The following ANKFN1 variants were observed in gnomAD, a reference collection of about 807,000 sequenced individuals.
The protein encoded by ANKFN1 is ankyrin repeat and fibronectin type III domain containing 1, also known as ankyrin repeat and fibronectin type-III domain-containing protein 1.
A neutral mutation model predicts 108.7 loss-of-function variants in ANKFN1; 74 were observed. The observed-to-expected ratio is 0.68, with a 90% confidence interval of 0.56 to 0.83. The LOEUF (loss-of-function observed/expected upper bound fraction) is 0.83. ANKFN1 is among the 40% of genes least tolerant of loss of function. ANKFN1 has a pLI of 0.00. For missense variants in ANKFN1, 1,505 were observed against 1,382.3 expected, an observed-to-expected ratio of 1.09 and a Z score of -1.41; for synonymous variants, 547 against 516.2, an observed-to-expected ratio of 1.06 and a Z score of -0.81.
chr17:56,417,172 T>C (rs949430365), intron 8 of ANKFN1, among the ~76,000 whole-genome samples: 1 of 152,186 alleles, frequency 6.6e-6, no homozygotes, highest in Non-Finnish European at 1.5e-5. Flanking sequence ...AGGATGATTA[T>C]AGTCATTAAT....
chr17:56,335,898 C>G (rs1364182127), intron 4 of ANKFN1, among the ~76,000 whole-genome samples: 1 of 152,150 alleles, frequency 6.6e-6, no homozygotes, highest in Non-Finnish European at 1.5e-5. Flanking sequence ...CCACCAATAC[C>G]TAGTTTATTG....
chr17:56,411,888 G>A (rs148014069), intron 8 of ANKFN1, among the ~76,000 whole-genome samples: 5 of 152,220 alleles, frequency 3.3e-5, no homozygotes, highest in East Asian at 1.9e-4. Flanking sequence ...AATTGGGTTC[G>A]CTAGTATTTT....
intron 2 of ANKFN1, 91 bp from the exon 3 acceptor site, chr17:56,227,826 T>C (rs1394521323): frequency 1.0e-6 from 1 of 991,082 alleles, no homozygotes; most frequent in African/African-American, 1.7e-5. Flanking sequence ...CTTTTTTTTT[T>C]CAATCAGTGG....
At chr17:56,355,454 C>T (rs4536527) in intron 6 of ANKFN1, among the ~76,000 whole-genome samples, 10 of 152,162 alleles carry the variant, frequency 6.6e-5, no homozygotes, top group African/African-American at 1.7e-4. Flanking sequence ...GGGTCCAAAG[C>T]AAAGTAGCAA....
At chr17:56,500,514 T>C (rs573766024) in intron 20 of ANKFN1, among the ~76,000 whole-genome samples, 4 of 152,304 alleles carry the variant, frequency 2.6e-5, no homozygotes, top group Non-Finnish European at 5.9e-5. Context: ...ACAGATATAT[T>C]AACAAAAAAT....
intron 4 of ANKFN1, among the ~76,000 whole-genome samples, chr17:56,140,685 G>C (rs938577119): frequency 2.0e-5 from 3 of 152,176 alleles, no homozygotes; most frequent in Non-Finnish European, 4.4e-5. Context: ...TCATAGGATT[G>C]TGAGGAGAAT....
At chr17:56,352,179 C>T (rs936105808) in intron 5 of ANKFN1, among the ~76,000 whole-genome samples, 1 of 152,182 alleles carries the variant, frequency 6.6e-6, no homozygotes, top group South Asian at 2.1e-4. Flanking sequence ...TACCATTCAG[C>T]AGATTGTCTT....
At chr17:56,362,223 C>G (rs1050465596) in intron 6 of ANKFN1, among the ~76,000 whole-genome samples, 1 of 152,038 alleles carries the variant, frequency 6.6e-6, no homozygotes, top group Non-Finnish European at 1.5e-5. Context: ...TAAAATGACC[C>G]AAGAGTTTCT....
chr17:56,106,714 T>C (rs1905759220), intron 4 of ANKFN1, among the ~76,000 whole-genome samples: 1 of 152,176 alleles, frequency 6.6e-6, no homozygotes, highest in Admixed American at 6.5e-5. Flanking sequence ...TATTTGCTTT[T>C]CCTCAAAAAT....
At chr17:56,284,396 G>A (rs1420706475) in intron 3 of ANKFN1, among the ~76,000 whole-genome samples, 8 of 152,106 alleles carry the variant, frequency 5.3e-5, no homozygotes, top group Non-Finnish European at 1.0e-4. Flanking sequence ...ATACTCCTAT[G>A]ATATTTCCTT....
chr17:56,272,936 G>T (rs1260986338), intron 3 of ANKFN1, among the ~76,000 whole-genome samples: 2 of 152,058 alleles, frequency 1.3e-5, no homozygotes, highest in South Asian at 2.1e-4. Context: ...TTACATTTTT[G>T]CCAGGGAAAA....
chr17:56,430,500 C>CCACACACACACAAACACACACACA (rs2048717826), intron 8 of ANKFN1, among the ~76,000 whole-genome samples: 1 of 144,074 alleles, frequency 6.9e-6, no homozygotes, highest in Non-Finnish European at 1.5e-5. Context: ...GATGCTTTTA[C>CCACACACACACAAACACACACACA]CACACACACA....
intron 20 of ANKFN1, among the ~76,000 whole-genome samples, chr17:56,502,795 A>G (rs981721602): frequency 2.6e-5 from 4 of 152,232 alleles, no homozygotes; most frequent in African/African-American, 7.2e-5. Context: ...TGCTAGAAAT[A>G]TAGAGCCTAT....
At chr17:56,348,827 TATGGTGATTCCTCAAATACCTA>T (rs1456929042) in intron 4 of ANKFN1, among the ~76,000 whole-genome samples, 20 of 152,240 alleles carry the variant, frequency 1.3e-4, no homozygotes, top group African/African-American at 4.8e-4. Flanking sequence ...TGGAAGACAG[TATGGTGATTCCTCAAATACCTA>T]GAGGCAGAAA....
At position 56,391,253 on chromosome 17, in the gene ANKFN1, G is replaced by A. The variant is rs947192486; in HGVS notation, c.910+16539G>A. 7.3e-4 allele frequency among the ~76,000 whole-genome samples: 21 copies of A among 28,732 alleles called. No individual in the cohort carries two copies. In the South Asian group the frequency reaches 0.011, roughly 14 times the overall value. 18.8% of individuals were successfully genotyped at this position (28,732 alleles called of 152,430 possible). A position where few individuals can be genotyped will look rare whatever the true frequency, so the allele number is the denominator to read the frequency against. Reference sequence around the variant, plus strand: ...TATATATATATATATATATATGTATGTGTGTGTGTGTGTGTACATATATAT... The same window carrying A: ...TATATATATATATATATATATGTATATGTGTGTGTGTGTGTACATATATAT... On this transcript the variant is annotated intron_variant, in intron 8 of 20. Coordinates refer to ENST00000682825, the MANE Select transcript of ANKFN1 (RefSeq NM_001370326.1).
intron 4 of ANKFN1, among the ~76,000 whole-genome samples, chr17:56,129,634 T>G (rs980873477): frequency 6.6e-6 from 1 of 152,240 alleles, no homozygotes; most frequent in African/African-American, 2.4e-5. Context: ...TATAGGGTGA[T>G]TTTAAAGTAA....
At chr17:56,152,262 ATG>A (rs200366444), upstream of ANKFN1, among the ~76,000 whole-genome samples, 97 of 77,830 alleles carry the variant, frequency 1.2e-3, no homozygotes, top group South Asian at 3.9e-3. Flanking sequence ...ATATATATAT[ATG>A]TGTGTGTGTG....
chr17:56,173,652 G>A (rs548268149), intron 1 of ANKFN1, among the ~76,000 whole-genome samples: 1 of 151,946 alleles, frequency 6.6e-6, no homozygotes, highest in Non-Finnish European at 1.5e-5. Flanking sequence ...TGTAGCAACA[G>A]GTTCTCCCTA....
At chr17:56,150,331 A>G (rs866726787), upstream of ANKFN1, among the ~76,000 whole-genome samples, 16 of 152,338 alleles carry the variant, frequency 1.1e-4, no homozygotes, top group Middle Eastern at 3.4e-3. Flanking sequence ...AAGACGTGGC[A>G]GTCCTGGGTC....
Sources: allele counts gnomAD v4.1 joint callset (sites outside exome capture counted in the v4.1 genomes callset), GRCh38; gene constraint gnomAD v4.1.1; transcripts MANE v1.5; gene names NCBI Gene and HGNC (gene_info 2026-07-23, HGNC 2026-07-21).